ANPEP: variants seen among roughly 807,000 people sequenced by gnomAD.
ANPEP encodes alanyl aminopeptidase, membrane.
A neutral mutation model predicts 114.6 loss-of-function variants in ANPEP; 70 were observed. That is an observed-to-expected ratio of 0.61 (90% CI 0.50 to 0.75). ANPEP has a LOEUF of 0.75. ANPEP is among the 30% of genes least tolerant of loss of function. The pLI is 0.00. For synonymous variants in ANPEP, 548 were observed against 522.3 expected, an observed-to-expected ratio of 1.05 and a Z score of -0.67; for missense variants, 1,184 against 1,259.5, an observed-to-expected ratio of 0.94 and a Z score of 0.91.
In ANPEP at chr15:89,806,786, G is replaced by A. The variant is rs182145417; in HGVS notation, c.-203C>T. ...GAGAGGAGATCCAGGAACGGTGTGTGGAGCTGGGCTCGGGGGGTGCCTGCT... is the reference window on the plus strand; with the variant it reads ...GAGAGGAGATCCAGGAACGGTGTGTAGAGCTGGGCTCGGGGGGTGCCTGCT... On this transcript the variant is annotated 5_prime_UTR_variant, in exon 2 of 21. Transcript: ENST00000300060. This position sits in a 1 kb window ranked among gnomAD's most constrained non-coding sequence, Gnocchi z 5.7. The A allele has an allele frequency of 2.3e-4, 186 of 820,188 alleles. No homozygotes were observed. The African/African-American group carries it at 2.9e-3, about 13-fold the overall frequency. 50.8% of individuals were successfully genotyped at this position (820,188 alleles called of 1,614,324 possible).
chr15:89,813,878 C>T (rs571335462), intron 1 of ANPEP, among the ~76,000 whole-genome samples: 1 of 152,242 alleles, frequency 6.6e-6, no homozygotes, highest in Non-Finnish European at 1.5e-5. Flanking sequence ...TGACCACCCC[C>T]GAACACGGCC....
At chr15:89,810,294 G>A (rs763500304) in intron 1 of ANPEP, among the ~76,000 whole-genome samples, 4 of 152,112 alleles carry the variant, frequency 2.6e-5, no homozygotes, top group African/African-American at 7.2e-5. Flanking sequence ...CAGGAGAATC[G>A]CTTGAACTCG....
rs553625872 is a variant in ANPEP at position 89,811,044 on chromosome 15, T to A, written c.-224+3728A>T. ...TGAGGGTAGCACCAGGTGTGCCGTATCCTCTACACCTGGCGTGCAGTGGGA... is the reference window on the plus strand; with the variant it reads ...TGAGGGTAGCACCAGGTGTGCCGTAACCTCTACACCTGGCGTGCAGTGGGA... On this transcript the variant is annotated intron_variant, in intron 1 of 20. Transcript: ENST00000300060. Among the ~76,000 whole-genome samples the A allele has an allele frequency of 3.3e-5, 5 of 152,186 alleles. No individual in the cohort carries two copies. The East Asian group carries it at 9.7e-4, about 29-fold the overall frequency.
intron 6 of ANPEP, 31 bp downstream of exon 6, chr15:89,804,222 C>T: frequency 1.9e-6 from 3 of 1,612,414 alleles, no homozygotes; most frequent in Non-Finnish European, 2.5e-6. Flanking sequence ...CCCCTGTTTC[C>T]TTCTCCGCAC....
chr15:89,797,381 G>A (rs1303945579), intron 15 of ANPEP, 194 bp downstream of exon 15: 10 of 739,096 alleles, frequency 1.4e-5, no homozygotes, highest in African/African-American at 7.2e-5. Flanking sequence ...ATGTCCCTCC[G>A]GCTCGCTCTT....
intron 1 of ANPEP, among the ~76,000 whole-genome samples, chr15:89,814,328 T>C (rs1894869527): frequency 6.6e-6 from 1 of 152,204 alleles, no homozygotes; most frequent in Non-Finnish European, 1.5e-5. Flanking sequence ...GAGCCCAGTG[T>C]TGGCCAGAGA....
chr15:89,791,151 T>C, intron 18 of ANPEP, 58 bp from the exon 19 acceptor site: 1 of 1,593,874 alleles, frequency 6.3e-7, no homozygotes, highest in Non-Finnish European at 8.6e-7. Flanking sequence ...AGGAGAGAAC[T>C]TGGACTGTCC....
At position 89,785,401 on chromosome 15, in the gene ANPEP, A is replaced by AC; in HGVS notation, c.2851dup (p.Val951GlyfsTer23). On this transcript the variant is annotated frameshift_variant, in exon 21 of 21. Coordinates refer to ENST00000300060, the MANE Select transcript of ANPEP (RefSeq NM_001150.3). LOFTEE classifies it high-confidence loss of function. ...GAGCACCACCTCCTTGTTCTCCTTCACCCACTTGATGTTGGCTTTCGTCTT... is the reference window on the plus strand; with the variant it reads ...GAGCACCACCTCCTTGTTCTCCTTCACCCCACTTGATGTTGGCTTTCGTCTT... The AC allele has an allele frequency of 6.2e-7, 1 of 1,614,018 alleles. No individual in the cohort carries two copies. The highest frequency in any genetic ancestry group is 8.5e-7 in the Non-Finnish European group (1 of 1,179,992).
At position 89,798,939 on chromosome 15, in the gene ANPEP, A is replaced by AAAACAAAC. The variant is rs35792576; in HGVS notation, c.2009+313_2009+320dup. Among the ~76,000 whole-genome samples, 901 of 150,632 alleles carry AAAACAAAC rather than the reference A, an allele frequency of 6.0e-3. 9 individuals are homozygous for AAAACAAAC. The highest frequency in any genetic ancestry group is 0.034 in the Middle Eastern group (10 of 290). On this transcript the variant is annotated intron_variant, in intron 14 of 20. Coordinates refer to ENST00000300060, the MANE Select transcript of ANPEP (RefSeq NM_001150.3). ...GGGCAACAGAGCGAGACTCCGTCTC[A>AAAACAAAC]AAACAAACAAACAAACAAACAAACA...
chr15:89,793,191 G>A (rs1249572566), intron 15 of ANPEP, 65 bp from the exon 16 acceptor site: 1 of 1,440,420 alleles, frequency 6.9e-7, no homozygotes, highest in Non-Finnish European at 9.7e-7. Context: ...GCCCCACAGA[G>A]CCTCTGATGT....
In ANPEP at chr15:89,803,637, C is replaced by A. The variant is rs370051531; in HGVS notation, c.1437+10G>T. 4 of 1,607,558 alleles carry A rather than the reference C, an allele frequency of 2.5e-6. No individual in the cohort carries two copies. The highest frequency in any genetic ancestry group is 3.4e-6 in the Non-Finnish European group (4 of 1,176,090). On this transcript the variant is annotated intron_variant, in intron 8 of 20. Transcript: ENST00000300060. The surrounding 1 kb of genome is among the most constrained non-coding windows in gnomAD (Gnocchi z 4.2). ...CTCCTTCCCCGTGCCCCACGAGGAG[C>A]GGGCTGCACCTTGCTGTAGGAGATG... is the stretch of plus-strand genomic sequence containing the variant.
Position 89,804,495 on chromosome 15 carries a change from T to A in ANPEP, c.1020A>T (p.Lys340Asn), listed in dbSNP as rs570661317. The change falls in exon 5 of 21, where the codon AAA (lysine) becomes AAT (asparagine). Residue 340 changes from lysine (K) to asparagine (N), a missense_variant. By Grantham distance (94) the Lys-to-Asn change is moderately conservative (BLOSUM62 0). Coordinates refer to ENST00000300060, the MANE Select transcript of ANPEP (RefSeq NM_001150.3). ...TCCTCAAGGACCCCCACTCACCTGA[T>A]TTTGGGAGTGGGTAGGGTGTGTCAT... ...GHYDTPYPLP[K>N]SDQIGLPDFN... The A allele has an allele frequency of 3.1e-6, 5 of 1,614,108 alleles. No homozygotes were observed. The highest frequency in any genetic ancestry group is 1.6e-4 in the Middle Eastern group (1 of 6,062).
chr15:89,813,998 G>GGGGA (rs1567165035), intron 1 of ANPEP, among the ~76,000 whole-genome samples: 2 of 149,068 alleles, frequency 1.3e-5, no homozygotes, highest in African/African-American at 4.9e-5. Flanking sequence ...TGCTGGGGGG[G>GGGGA]GGGGGTGCGT....
At position 89,801,434 on chromosome 15, in the gene ANPEP, C is replaced by T; in HGVS notation, c.1742+1G>A. ...ATGCCTCAGTGACCCCATCTGCTCA[C>T]TTGAATTCTGAGGGGCGGGTAACAT... is the stretch of plus-strand genomic sequence containing the variant. On this transcript the variant is annotated splice_donor_variant, in intron 11 of 20. Coordinates refer to ENST00000300060, the MANE Select transcript of ANPEP (RefSeq NM_001150.3). LOFTEE classifies it high-confidence loss of function. 5 of 1,614,046 alleles carry T rather than the reference C, an allele frequency of 3.1e-6. No homozygotes were observed. The highest frequency in any genetic ancestry group is 4.2e-6 in the Non-Finnish European group (5 of 1,179,928).
chr15:89,806,593 G>T lies in ANPEP; in HGVS notation c.-10C>A. The T allele has an allele frequency of 6.3e-7, 1 of 1,577,398 alleles. No homozygotes were observed. The highest frequency in any genetic ancestry group is 1.1e-5 in the South Asian group (1 of 87,102). On this transcript the variant is annotated 5_prime_UTR_variant, in exon 2 of 21. Transcript: ENST00000300060. The surrounding 1 kb of genome is among the most constrained non-coding windows in gnomAD (Gnocchi z 5.7). ...AGAAGCCCTTGGCCATGGTGATGGTGGGGAGGCGGCTCAGGGAGCCTCAGG... is the reference window on the plus strand; with the variant it reads ...AGAAGCCCTTGGCCATGGTGATGGTTGGGAGGCGGCTCAGGGAGCCTCAGG...
chr15:89,804,307 G>A lies in ANPEP; in HGVS notation c.1125C>T (p.Ser375=). The change falls in exon 6 of 21, where the codon TCC becomes TCT. Residue 375 remains serine, a synonymous_variant. Coordinates refer to ENST00000300060, the MANE Select transcript of ANPEP (RefSeq NM_001150.3). ...TGACCACCCGCTCCTTGTTGCTGCTGGAGGAGGACAGGGGGTCGAACAGCA... is the reference window on the plus strand; with the variant it reads ...TGACCACCCGCTCCTTGTTGCTGCTAGAGGAGGACAGGGGGTCGAACAGCA... The part of the protein sequence containing the change: ...NSLLFDPLSS[S]SSNKERVVTV... 6 of 1,614,194 alleles carry A rather than the reference G, an allele frequency of 3.7e-6. No homozygotes were observed. The highest frequency in any genetic ancestry group is 5.1e-6 in the Non-Finnish European group (6 of 1,180,044).
intron 19 of ANPEP, 107 bp downstream of exon 19, chr15:89,790,846 T>C: frequency 7.1e-7 from 1 of 1,411,628 alleles, no homozygotes; most frequent in Non-Finnish European, 9.6e-7. Flanking sequence ...TGGCTGATTT[T>C]TGTCCACTTC....
At chr15:89,805,858 G>A (rs1048626528) in intron 2 of ANPEP, 112 bp downstream of exon 2, 23 of 1,416,076 alleles carry the variant, frequency 1.6e-5, no homozygotes, top group Middle Eastern at 1.9e-4. Context: ...GGCCAGTCTC[G>A]GGCTCCACAG....
At chr15:89,802,411 GCTGTGACT>G (rs1361847617) in intron 10 of ANPEP, 1 of 152,380 alleles carries the variant, frequency 6.6e-6, no homozygotes, top group Non-Finnish European at 1.5e-5. Context: ...CCGGACCTCA[GCTGTGACT>G]CTGTGACAAG....
Sources: allele counts gnomAD v4.1 joint callset (sites outside exome capture counted in the v4.1 genomes callset), GRCh38; gene constraint gnomAD v4.1.1; non-coding constraint Gnocchi (gnomAD v3.1); transcripts MANE v1.5; gene names NCBI Gene and HGNC (gene_info 2026-07-23, HGNC 2026-07-21).